The following CCDC102B variants were observed in gnomAD, a reference collection of about 807,000 sequenced individuals.
CCDC102B encodes coiled-coil domain-containing protein 102B.
In CCDC102B, 75 loss-of-function variants were observed where a neutral mutation model predicts 57.4. The ratio of observed to expected loss-of-function variants is 1.31; its 90% CI spans 1.08 to 1.58. The LOEUF (loss-of-function observed/expected upper bound fraction) is 1.58, where lower values mean the gene tolerates loss of function less well. CCDC102B is among the 40% of genes most tolerant of loss of function. The pLI is 0.00. For missense variants in CCDC102B, 636 were observed against 582.6 expected, an observed-to-expected ratio of 1.09 and a Z score of -0.94; for synonymous variants, 206 against 201.9, an observed-to-expected ratio of 1.02 and a Z score of -0.17.
At position 68,835,004 on chromosome 18, in the gene CCDC102B, G is replaced by A. The variant is rs993397437; in HGVS notation, c.-15-1745G>A. ...ATAAGATTATTTACACCAGAAAAGC[G>A]TATCTGAGAATAAAAATGGGTAATT... On this transcript the variant is annotated intron_variant, in intron 1 of 7. Coordinates refer to ENST00000360242, the MANE Select transcript of CCDC102B (RefSeq NM_024781.3). 9.9e-5 allele frequency among the ~76,000 whole-genome samples: 15 copies of A among 152,056 alleles called. No homozygotes were observed. In the East Asian group the frequency reaches 1.5e-3, roughly 16 times the overall value.
At chr18:68,839,340 G>A in intron 3 of CCDC102B, among the ~76,000 whole-genome samples, 1 of 152,100 alleles carries the variant, frequency 6.6e-6, no homozygotes, top group Non-Finnish European at 1.5e-5. Flanking sequence ...AGAAAAAGTA[G>A]TCTTATACAT....
At chr18:68,995,306 A>G (rs1352402022) in intron 6 of CCDC102B, among the ~76,000 whole-genome samples, 5 of 152,218 alleles carry the variant, frequency 3.3e-5, no homozygotes, top group Non-Finnish European at 7.3e-5. Flanking sequence ...CAGAAATTGC[A>G]TAAGTAACAA....
At chr18:68,731,251 T>G (rs2032849271) in intron 2 of CCDC102B, among the ~76,000 whole-genome samples, 1 of 152,178 alleles carries the variant, frequency 6.6e-6, no homozygotes, top group African/African-American at 2.4e-5. Context: ...CCCAAAGTGC[T>G]GGGATTACAG....
intron 2 of CCDC102B, among the ~76,000 whole-genome samples, chr18:68,775,015 TTTC>T (rs942164423): frequency 9.9e-5 from 15 of 151,200 alleles, no homozygotes; most frequent in Admixed American, 2.6e-4. Context: ...ATGTGTTGCC[TTTC>T]TTCTTTTCTG....
At chr18:68,916,755 G>A (rs1457189848) in intron 6 of CCDC102B, among the ~76,000 whole-genome samples, 3 of 152,194 alleles carry the variant, frequency 2.0e-5, no homozygotes, top group African/African-American at 7.2e-5. Flanking sequence ...TCTGTTCAAT[G>A]TTACAAATTA....
chr18:68,978,176 C>T (rs921749024), intron 6 of CCDC102B, among the ~76,000 whole-genome samples: 1 of 151,994 alleles, frequency 6.6e-6, no homozygotes, highest in Non-Finnish European at 1.5e-5. Flanking sequence ...ACCAGATTGC[C>T]TATGAACTGT....
intron 1 of CCDC102B, among the ~76,000 whole-genome samples, chr18:68,824,547 C>T (rs4525591): frequency 0.43 from 64,888 of 152,042 alleles, 15,048 homozygotes; most frequent in East Asian, 0.86. Flanking sequence ...CTATGTTGAA[C>T]AGGAGTGGTG....
At chr18:69,025,249 T>C (rs1309317926) in intron 7 of CCDC102B, among the ~76,000 whole-genome samples, 1 of 152,122 alleles carries the variant, frequency 6.6e-6, no homozygotes, top group East Asian at 1.9e-4. Flanking sequence ...ATAAACAGAA[T>C]ATAATTAGAC....
At chr18:69,022,645 C>T (rs1051741919) in intron 7 of CCDC102B, among the ~76,000 whole-genome samples, 11 of 152,040 alleles carry the variant, frequency 7.2e-5, no homozygotes, top group African/African-American at 2.4e-4. Context: ...CATGCAAATA[C>T]ATTCTTTTTA....
chr18:68,865,928 T>C (rs9945290), intron 4 of CCDC102B, among the ~76,000 whole-genome samples: 49,019 of 152,042 alleles, frequency 0.32, 8,326 homozygotes, highest in East Asian at 0.65. Context: ...ACAACAACTC[T>C]AGTAAACTTA....
At chr18:68,911,514 A>G (rs2040849084) in intron 6 of CCDC102B, among the ~76,000 whole-genome samples, 1 of 151,782 alleles carries the variant, frequency 6.6e-6, no homozygotes, top group Non-Finnish European at 1.5e-5. Context: ...GCACTTTGGG[A>G]GGCCGAGGCG....
Position 68,897,687 on chromosome 18 carries a change from G to A in CCDC102B, c.1263+259G>A, listed in dbSNP as rs968414852. 8.3e-6 allele frequency: 11 copies of A among 1,320,766 alleles called. No individual in the cohort carries two copies. The African/African-American group carries it at 1.5e-4, about 18-fold the overall frequency. 81.8% of individuals were successfully genotyped at this position (1,320,766 alleles called of 1,614,324 possible). A position where few individuals can be genotyped will look rare whatever the true frequency, so the allele number is the denominator to read the frequency against. ...AAAAGGAAGAAGAAAAATGAAGTAA[G>A]AAATAGAACTTTCTGGTTTTTTGTT... On this transcript the variant is annotated intron_variant, in intron 6 of 7. Transcript: ENST00000360242.
At position 68,834,607 on chromosome 18, in the gene CCDC102B, A is replaced by G. The variant is rs141676095; in HGVS notation, c.-15-2142A>G. Reference sequence around the variant, plus strand: ...AGCAATAATTGAAACATGACTGGACATATACCAATGCTAACAAAACTAATT... The same window carrying G: ...AGCAATAATTGAAACATGACTGGACGTATACCAATGCTAACAAAACTAATT... On this transcript the variant is annotated intron_variant, in intron 1 of 7. Coordinates refer to ENST00000360242, the MANE Select transcript of CCDC102B (RefSeq NM_024781.3). 3.2e-3 allele frequency among the ~76,000 whole-genome samples: 482 copies of G among 151,444 alleles called. 1 individual carries two copies. The highest frequency in any genetic ancestry group is 9.9e-3 in the African/African-American group (409 of 41,454).
At chr18:68,925,338 T>C (rs1279499518) in intron 6 of CCDC102B, among the ~76,000 whole-genome samples, 1 of 151,940 alleles carries the variant, frequency 6.6e-6, no homozygotes, top group Non-Finnish European at 1.5e-5. Flanking sequence ...ATCAGCACCT[T>C]TTTTGGTGAC....
At chr18:68,803,063 G>T (rs1169439256) in intron 1 of CCDC102B, among the ~76,000 whole-genome samples, 1 of 152,194 alleles carries the variant, frequency 6.6e-6, no homozygotes, top group Non-Finnish European at 1.5e-5. Context: ...TGTGATTGGG[G>T]TTAACCTCAC....
chr18:68,984,022 T>C (rs2145302302), intron 6 of CCDC102B, among the ~76,000 whole-genome samples: 1 of 152,166 alleles, frequency 6.6e-6, no homozygotes, highest in South Asian at 2.1e-4. Context: ...AGATTTTCTT[T>C]ACTCTGTTTA....
At chr18:68,858,307 T>C (rs79244887) in intron 4 of CCDC102B, among the ~76,000 whole-genome samples, 5 of 152,238 alleles carry the variant, frequency 3.3e-5, no homozygotes, top group Non-Finnish European at 7.3e-5. Flanking sequence ...TGTCTTTTTT[T>C]CTCTGGCTGT....
intron 2 of CCDC102B, among the ~76,000 whole-genome samples, chr18:68,774,822 C>A (rs868372809): frequency 2.0e-5 from 3 of 151,570 alleles, no homozygotes; most frequent in Non-Finnish European, 2.9e-5. Flanking sequence ...ATTTAATAAT[C>A]CTAATAGTTG....
intron 2 of CCDC102B, among the ~76,000 whole-genome samples, chr18:68,748,018 AC>A (rs2033689871): frequency 6.6e-6 from 1 of 152,066 alleles, no homozygotes; most frequent in African/African-American, 2.4e-5. Flanking sequence ...CTATATGCTC[AC>A]AAATGCTTGT....
Sources: gnomAD v4.1 joint callset for allele counts (sites outside exome capture counted in the v4.1 genomes callset) on GRCh38, gnomAD v4.1.1 for gene constraint, MANE v1.5 for transcripts, NCBI Gene and HGNC (gene_info 2026-07-23, HGNC 2026-07-21) for gene names.